ADGRL3: variants seen among roughly 807,000 people sequenced by gnomAD.
ADGRL3 encodes adhesion G protein-coupled receptor L3, also known as calcium-independent alpha-latrotoxin receptor 3.
In ADGRL3, 62 loss-of-function variants were observed where a neutral mutation model predicts 153.5. The ratio of observed to expected loss-of-function variants is 0.40; its 90% CI spans 0.33 to 0.50. The LOEUF is 0.50. ADGRL3 is among the 20% of genes least tolerant of loss of function. ADGRL3 has a pLI of 0.47. For missense variants in ADGRL3, 1,641 were observed against 1,859.4 expected (o/e 0.88, Z 2.16); for synonymous variants, 710 against 672.5 (o/e 1.06, Z -0.86).
intron 3 of ADGRL3, among the ~76,000 whole-genome samples, chr4:61,498,882 G>C (rs1029782966): frequency 4.6e-5 from 7 of 151,804 alleles, no homozygotes; most frequent in African/African-American, 1.7e-4. Context: ...AATGTTTTTG[G>C]CTAATTATCA....
At chr4:61,703,620 AG>A (rs2095805504) in intron 6 of ADGRL3, among the ~76,000 whole-genome samples, 1 of 152,094 alleles carries the variant, frequency 6.6e-6, no homozygotes, top group African/African-American at 2.4e-5. Context: ...GAAAAAAAAA[AG>A]ATTCATTTAT....
intron 9 of ADGRL3, among the ~76,000 whole-genome samples, chr4:61,845,141 G>A (rs2098099610): frequency 2.0e-5 from 3 of 151,972 alleles, no homozygotes; most frequent in Middle Eastern, 3.4e-3. Context: ...CAATATTTTT[G>A]TTTTCAAAGT....
intron 1 of ADGRL3, among the ~76,000 whole-genome samples, chr4:61,323,208 AGGAACCTGGGCC>A (rs1180775542): frequency 6.6e-6 from 1 of 152,208 alleles, no homozygotes; most frequent in East Asian, 1.9e-4. Context: ...ACACAGCACC[AGGAACCTGGGCC>A]TGGCCCAGGA....
intron 1 of ADGRL3, among the ~76,000 whole-genome samples, chr4:61,335,218 T>C (rs2095651620): frequency 6.6e-6 from 1 of 152,200 alleles, no homozygotes; most frequent in South Asian, 2.1e-4. Flanking sequence ...AATTCATTTC[T>C]GGAGTTATGA....
chr4:61,948,321 G>C, intron 17 of ADGRL3, 45 bp downstream of exon 17: 1 of 1,447,356 alleles, frequency 6.9e-7, no homozygotes, highest in Non-Finnish European at 9.6e-7. Flanking sequence ...TATATTATAT[G>C]GTCACTAACT....
intron 8 of ADGRL3, among the ~76,000 whole-genome samples, chr4:61,764,500 A>T (rs1216090412): frequency 2.0e-5 from 3 of 151,046 alleles, no homozygotes; most frequent in African/African-American, 7.4e-5. Flanking sequence ...GAGCCAGGAA[A>T]AGGACTTTCA....
chr4:61,215,803 C>T (rs1172544479), intron 1 of ADGRL3, among the ~76,000 whole-genome samples: 2 of 151,828 alleles, frequency 1.3e-5, no homozygotes, highest in African/African-American at 2.4e-5. Context: ...CCATCCGCCT[C>T]GGCCTCCCAA....
intron 5 of ADGRL3, among the ~76,000 whole-genome samples, chr4:61,595,590 A>T (rs1272237242): frequency 6.6e-6 from 1 of 152,128 alleles, no homozygotes; most frequent in East Asian, 1.9e-4. Context: ...AGAAGGAAGG[A>T]GTAACTTTTG....
chr4:61,561,900 A>G (rs1381354123), intron 4 of ADGRL3, among the ~76,000 whole-genome samples: 1 of 151,960 alleles, frequency 6.6e-6, no homozygotes, highest in Non-Finnish European at 1.5e-5. Context: ...TCAGCCTCCT[A>G]AGTACCTGGG....
intron 2 of ADGRL3, among the ~76,000 whole-genome samples, chr4:61,451,860 A>C (rs1426864162): frequency 6.6e-6 from 1 of 152,206 alleles, no homozygotes; most frequent in East Asian, 1.9e-4. Context: ...AATAGAGGTC[A>C]GTTTCCCAGA....
At chr4:61,921,690 G>A (rs191226497) in intron 13 of ADGRL3, among the ~76,000 whole-genome samples, 2 of 152,324 alleles carry the variant, frequency 1.3e-5, no homozygotes, top group East Asian at 3.9e-4. Flanking sequence ...ACAGGTGTGA[G>A]CCACCATGCC....
At chr4:62,056,568 G>A (rs1361046286) in intron 25 of ADGRL3, among the ~76,000 whole-genome samples, 1 of 151,892 alleles carries the variant, frequency 6.6e-6, no homozygotes, top group Non-Finnish European at 1.5e-5. Context: ...CACTGAAGTT[G>A]GTGTTCTAAT....
At chr4:61,750,136 A>T (rs2096733994) in intron 8 of ADGRL3, among the ~76,000 whole-genome samples, 1 of 148,786 alleles carries the variant, frequency 6.7e-6, no homozygotes, top group Non-Finnish European at 1.5e-5. Context: ...TCATGAACTT[A>T]CAGTCTATTG....
intron 1 of ADGRL3, among the ~76,000 whole-genome samples, chr4:61,312,612 T>C (rs1158463592): frequency 6.6e-6 from 1 of 152,002 alleles, no homozygotes; most frequent in African/African-American, 2.4e-5. Context: ...CCACAGAAGA[T>C]ATACAGATAA....
intron 1 of ADGRL3, among the ~76,000 whole-genome samples, chr4:61,224,862 T>C (rs534109790): frequency 1.3e-5 from 2 of 152,308 alleles, no homozygotes; most frequent in African/African-American, 2.4e-5. Flanking sequence ...TGATGTCTTC[T>C]GTAGGGGCGA....
At chr4:61,428,868 TATCTATATC>T (rs202125940) in intron 2 of ADGRL3, among the ~76,000 whole-genome samples, 5,996 of 120,408 alleles carry the variant, frequency 0.05, 161 homozygotes, top group Non-Finnish European at 0.059. Context: ...TCTATCTATC[TATCTATATC>T]ATCTATCTAT....
chr4:61,603,806 A>T (rs533537308), intron 5 of ADGRL3, among the ~76,000 whole-genome samples: 3 of 152,224 alleles, frequency 2.0e-5, no homozygotes, highest in South Asian at 4.1e-4. Flanking sequence ...GGTCACAGAG[A>T]TTCCAAATCT....
intron 1 of ADGRL3, among the ~76,000 whole-genome samples, chr4:61,353,705 T>G (rs2096102191): frequency 6.7e-6 from 1 of 149,418 alleles, no homozygotes; most frequent in Non-Finnish European, 1.5e-5. Flanking sequence ...CCTCCCAAAG[T>G]GCTGACATTA....
intron 5 of ADGRL3, among the ~76,000 whole-genome samples, chr4:61,609,554 T>G (rs2099045192): frequency 6.6e-6 from 1 of 152,074 alleles, no homozygotes; most frequent in Admixed American, 6.6e-5. Context: ...TTTTAAAGTA[T>G]TTCATGTCTT....
Sources: gnomAD v4.1 joint callset for allele counts (sites outside exome capture counted in the v4.1 genomes callset) on GRCh38, gnomAD v4.1.1 for gene constraint, MANE v1.5 for transcripts, NCBI Gene and HGNC (gene_info 2026-07-23, HGNC 2026-07-21) for gene names.